The following PEX5L variants were observed in gnomAD, a reference collection of about 807,000 sequenced individuals.
PEX5L encodes peroxisomal biogenesis factor 5 like, also known as PEX5-related protein.
In PEX5L, 30 loss-of-function variants were observed where a neutral mutation model predicts 84.0. The ratio of observed to expected loss-of-function variants is 0.36; its 90% confidence interval spans 0.27 to 0.48. The LOEUF is 0.48. Ranked by LOEUF, PEX5L falls within the 20% of genes least tolerant of loss-of-function variation. PEX5L has a pLI of 0.99. For synonymous variants in PEX5L, 270 were observed against 283.1 expected, an observed-to-expected ratio of 0.95 and a Z score of 0.46; for missense variants, 533 against 754.6, an observed-to-expected ratio of 0.71 and a Z score of 3.44.
chr3:180,001,636 T>A (rs983146751), intron 1 of PEX5L, among the ~76,000 whole-genome samples: 3 of 152,096 alleles, frequency 2.0e-5, no homozygotes, highest in Admixed American at 6.5e-5. Flanking sequence ...AGTAATAACC[T>A]GTGAATTTTA....
intron 1 of PEX5L, among the ~76,000 whole-genome samples, chr3:180,031,198 G>T (rs939432966): frequency 4.6e-5 from 7 of 152,106 alleles, no homozygotes; most frequent in Admixed American, 2.6e-4. Flanking sequence ...TTGAGCAATT[G>T]TCTTGATAGT....
chr3:179,815,965 G>A lies in PEX5L; in HGVS notation c.979C>T (p.Pro327Ser). Residue 327 changes from proline (P) to serine (S), a missense_variant, in exon 10 of 15, where the codon CCT becomes TCT. By Grantham distance (74) the Pro-to-Ser change is moderately conservative. Around this residue, in one of 8 missense-constraint regions of PEX5L, gnomAD observed 58 missense variants for 56.4 expected, o/e 1.03. Coordinates refer to ENST00000467460, the MANE Select transcript of PEX5L (RefSeq NM_016559.3). ...FHTENPFKDW[P>S]GAFEEGLKRL... Reference sequence around the variant, plus strand: ...TTTAAGCCTTCTTCAAATGCTCCAGGCCAGTCCTTGAAGGGGTTTTCAGTG... The same window carrying A: ...TTTAAGCCTTCTTCAAATGCTCCAGACCAGTCCTTGAAGGGGTTTTCAGTG... 4 of 1,614,050 alleles carry A rather than the reference G, an allele frequency of 2.5e-6. No individual in the cohort carries two copies. The highest frequency in any genetic ancestry group is 3.4e-6 in the Non-Finnish European group (4 of 1,179,950).
chr3:179,951,702 T>C (rs1162004195), intron 2 of PEX5L, among the ~76,000 whole-genome samples: 1 of 152,152 alleles, frequency 6.6e-6, no homozygotes, highest in Non-Finnish European at 1.5e-5. Context: ...GATTTCCTTT[T>C]TGTGAGACAG....
chr3:180,001,057 C>A (rs1788355360), intron 1 of PEX5L, among the ~76,000 whole-genome samples: 2 of 151,954 alleles, frequency 1.3e-5, no homozygotes, highest in African/African-American at 4.8e-5. Flanking sequence ...GCAGACCCAC[C>A]CTTAATCTGG....
chr3:179,947,384 A>T (rs1292170834), intron 2 of PEX5L, among the ~76,000 whole-genome samples: 1 of 152,120 alleles, frequency 6.6e-6, no homozygotes, highest in Non-Finnish European at 1.5e-5. Flanking sequence ...CTAAGAATAC[A>T]TTATTTCAAA....
intron 1 of PEX5L, among the ~76,000 whole-genome samples, chr3:180,035,865 AC>A (rs1405311230): frequency 6.6e-6 from 1 of 152,162 alleles, no homozygotes; most frequent in Non-Finnish European, 1.5e-5. Flanking sequence ...GAACCAACCA[AC>A]CGTATGAATG....
chr3:179,999,556 C>A (rs1302168562), intron 1 of PEX5L, among the ~76,000 whole-genome samples: 1 of 152,216 alleles, frequency 6.6e-6, no homozygotes, highest in Non-Finnish European at 1.5e-5. Context: ...GATCAGCCAG[C>A]TACCTGGTGG....
chr3:179,847,059 A>ATG (rs749528776), intron 8 of PEX5L, among the ~76,000 whole-genome samples: 3,689 of 111,848 alleles, frequency 0.033, 52 homozygotes, highest in Non-Finnish European at 0.05. Context: ...CCCTTTCTCC[A>ATG]TGTGTGTGTG....
In PEX5L at chr3:180,032,318, G is replaced by C. The variant is rs1579426651; in HGVS notation, c.21+4261C>G. On this transcript the variant is annotated intron_variant, in intron 1 of 14. Coordinates refer to ENST00000467460, the MANE Select transcript of PEX5L (RefSeq NM_016559.3). ...TGAGGAAGAAGACCAGGTGCCACTT[G>C]AACTGAGATAACAAAGGGGGAGAGG... Among the ~76,000 whole-genome samples, 4 of 152,252 alleles carry C rather than the reference G, an allele frequency of 2.6e-5. No homozygotes were observed. The South Asian group carries it at 8.3e-4, about 32-fold the overall frequency.
chr3:179,862,603 G>C (rs534068992), intron 7 of PEX5L, among the ~76,000 whole-genome samples: 45 of 152,220 alleles, frequency 3.0e-4, no homozygotes, highest in African/African-American at 9.9e-4. Context: ...TTGTCTTCCT[G>C]TTGGTTCCTT....
intron 2 of PEX5L, among the ~76,000 whole-genome samples, chr3:179,969,812 G>A (rs926887387): frequency 6.6e-6 from 1 of 152,122 alleles, no homozygotes; most frequent in Non-Finnish European, 1.5e-5. Context: ...GGCAAACAGC[G>A]ACTCTGAGAA....
intron 3 of PEX5L, among the ~76,000 whole-genome samples, chr3:179,890,168 G>A (rs7636199): frequency 0.026 from 3,886 of 152,162 alleles, 173 homozygotes; most frequent in African/African-American, 0.089. Context: ...TGTGATCAAC[G>A]CAGTGATGAG....
chr3:179,839,472 A>T (rs1244361291), intron 8 of PEX5L, among the ~76,000 whole-genome samples: 3 of 152,218 alleles, frequency 2.0e-5, no homozygotes, highest in Non-Finnish European at 4.4e-5. Flanking sequence ...AAATTTTTCC[A>T]AAGGAAATAA....
chr3:179,956,016 C>A (rs1780454739), intron 2 of PEX5L, among the ~76,000 whole-genome samples: 1 of 152,080 alleles, frequency 6.6e-6, no homozygotes, highest in Admixed American at 6.6e-5. Context: ...ACAGACGATA[C>A]CATCTTGGAT....
intron 1 of PEX5L, among the ~76,000 whole-genome samples, chr3:180,000,590 C>T (rs1382825908): frequency 6.6e-6 from 1 of 152,150 alleles, no homozygotes; most frequent in Non-Finnish European, 1.5e-5. Context: ...GCTATGACCA[C>T]GTGACTAGCT....
At chr3:180,014,585 A>G (rs138470344) in intron 1 of PEX5L, among the ~76,000 whole-genome samples, 513 of 152,334 alleles carry the variant, frequency 3.4e-3, no homozygotes, top group African/African-American at 0.012. Flanking sequence ...AAGCATGTCT[A>G]AAGTTTAAAT....
In PEX5L at chr3:179,800,763, GTTAT is replaced by G. The variant is rs1030149641; in HGVS notation, c.*1061_*1064del. The G allele has an allele frequency of 5.9e-5, 9 of 152,260 alleles. No individual in the cohort carries two copies. The East Asian group carries it at 1.7e-3, about 29-fold the overall frequency. 9.4% of individuals were successfully genotyped at this position (152,260 alleles called of 1,614,324 possible). A position where few individuals can be genotyped will look rare whatever the true frequency, so the allele number is the denominator to read the frequency against. On this transcript the variant is annotated 3_prime_UTR_variant, in exon 15 of 15. Transcript: ENST00000467460. ...GAAAACATAATTTTTAGGAAAAAAT[GTTAT>G]TTATCACTCTTAAGAAATATTATTT...
Position 179,822,578 on chromosome 3 carries a change from C to T in PEX5L, c.823-2602G>A, listed in dbSNP as rs1215470481. ...TGTTGCAGAATCCAGACTTCATTCA[C>T]GTAGCTACAATTAACGCTGCTTCCT... On this transcript the variant is annotated intron_variant, in intron 8 of 14. Transcript: ENST00000467460. Among the ~76,000 whole-genome samples, 8 of 152,324 alleles carry T rather than the reference C, an allele frequency of 5.3e-5. No individual in the cohort carries two copies. In the East Asian group the frequency reaches 5.8e-4, roughly 11 times the overall value.
Position 179,840,187 on chromosome 3 carries a change from T to G in PEX5L, c.822+18875A>C, listed in dbSNP as rs1184010355. ...TGTGTGTGTGTGTGTGTGTGTGTTT[T>G]TTTTTTTTTTTTTTTTTTGAGATGG... On this transcript the variant is annotated intron_variant, in intron 8 of 14. Coordinates refer to ENST00000467460, the MANE Select transcript of PEX5L (RefSeq NM_016559.3). Among the ~76,000 whole-genome samples, 738 of 112,604 alleles carry G rather than the reference T, an allele frequency of 6.6e-3. 1 individual carries two copies. The highest frequency in any genetic ancestry group is 7.7e-3 in the African/African-American group (227 of 29,390). The allele number at this position is 112,604 out of a possible 152,430, so 73.9% of individuals were successfully genotyped here.
Sources: allele counts gnomAD v4.1 joint callset (sites outside exome capture counted in the v4.1 genomes callset), GRCh38; gene constraint gnomAD v4.1.1; regional missense constraint gnomAD v4.1.1; transcripts MANE v1.5; gene names NCBI Gene and HGNC (gene_info 2026-07-23, HGNC 2026-07-21).